The following KCNN2 variants were observed in gnomAD, a reference collection of about 807,000 sequenced individuals.
KCNN2 encodes the protein small conductance calcium-activated potassium channel protein 2.
KCNN2 carries 24 observed loss-of-function variants against 55.5 expected under a neutral mutation model. The ratio of observed to expected loss-of-function variants is 0.43; its 90% CI spans 0.31 to 0.61. The LOEUF (loss-of-function observed/expected upper bound fraction) is 0.61, where lower values mean the gene tolerates loss of function less well. Ranked by LOEUF, KCNN2 falls within the 20% of genes least tolerant of loss-of-function variation. KCNN2 has a pLI of 0.08. For synonymous variants in KCNN2, 431 were observed against 336.1 expected (o/e 1.28, Z -3.09); for missense variants, 754 against 853.6 (o/e 0.88, Z 1.45).
At chr5:114,297,011 A>G (rs1756023830) in intron 2 of KCNN2, among the ~76,000 whole-genome samples, 1 of 152,152 alleles carries the variant, frequency 6.6e-6, no homozygotes, top group South Asian at 2.1e-4. Flanking sequence ...TATTGTATTG[A>G]TGAAAGAATT....
intron 2 of KCNN2, among the ~76,000 whole-genome samples, chr5:114,346,416 G>T (rs1194925238): frequency 2.0e-5 from 3 of 152,098 alleles, no homozygotes; most frequent in African/African-American, 4.8e-5. Context: ...GAGTAAATTT[G>T]TTTTCTGTCT....
chr5:114,110,498 G>T (rs79852719), intron 1 of KCNN2, among the ~76,000 whole-genome samples: 7,002 of 152,052 alleles, frequency 0.046, 537 homozygotes, highest in African/African-American at 0.16. Context: ...AGGGGAGAGA[G>T]ACCCTAGAAT....
At chr5:114,060,321 G>T (rs999660482) in intron 1 of KCNN2, among the ~76,000 whole-genome samples, 1 of 152,204 alleles carries the variant, frequency 6.6e-6, no homozygotes, top group Non-Finnish European at 1.5e-5. Context: ...CCACCCTCTC[G>T]TTGCAGTTCA....
rs528661373 is a variant in KCNN2, at chr5:114,244,577, A to G, written c.-185+23012A>G. On this transcript the variant is annotated intron_variant, in intron 2 of 10. Transcript: ENST00000512097. The stretch of plus-strand genomic sequence containing the variant: ...GCGCCATTGCACTCCAGCCTGGGCA[A>G]TAAGAGCAAAACTCTGGGGCGGGCA... Among the ~76,000 whole-genome samples, 32 of 151,136 alleles carry G rather than the reference A, an allele frequency of 2.1e-4. No individual in the cohort carries two copies. In the South Asian group the frequency reaches 4.9e-3, roughly 23 times the overall value.
chr5:114,363,477 T>C (rs1757508604), intron 1 of KCNN2, among the ~76,000 whole-genome samples: 1 of 152,206 alleles, frequency 6.6e-6, no homozygotes, highest in African/African-American at 2.4e-5. Flanking sequence ...CTCGAGGCAG[T>C]TAAGAGTGCT....
chr5:114,373,282 G>T (rs1580761094), intron 2 of KCNN2, among the ~76,000 whole-genome samples: 1 of 151,978 alleles, frequency 6.6e-6, no homozygotes, highest in Middle Eastern at 3.4e-3. Context: ...GGCTAAAAAG[G>T]CTTCTAAAAG....
At chr5:114,300,217 C>G (rs932266797) in intron 2 of KCNN2, among the ~76,000 whole-genome samples, 3 of 152,138 alleles carry the variant, frequency 2.0e-5, no homozygotes, top group Non-Finnish European at 4.4e-5. Flanking sequence ...ATTCTCACCT[C>G]TTTCATAAAA....
In KCNN2 at chr5:114,272,066, A is replaced by G. The variant is rs567546380; in HGVS notation, c.-185+50501A>G. The stretch of plus-strand genomic sequence containing the variant: ...ATAAAAATAATTTTCTTTTTTTCTG[A>G]TCATAAGTTTTATAATGCTTATGAT... On this transcript the variant is annotated intron_variant, in intron 2 of 10. Transcript: ENST00000512097. Among the ~76,000 whole-genome samples the G allele has an allele frequency of 2.0e-5, 3 of 152,174 alleles. No individual in the cohort carries two copies. The South Asian group carries it at 6.2e-4, about 32-fold the overall frequency.
chr5:114,168,940 T>G (rs772187530), intron 1 of KCNN2, among the ~76,000 whole-genome samples: 1 of 152,100 alleles, frequency 6.6e-6, no homozygotes, highest in African/African-American at 2.4e-5. Context: ...AGGTAGGGCC[T>G]GGTGGGAGGT....
chr5:114,084,845 G>C (rs1750979514), intron 1 of KCNN2, among the ~76,000 whole-genome samples: 1 of 151,800 alleles, frequency 6.6e-6, no homozygotes, highest in African/African-American at 2.4e-5. Flanking sequence ...TTTTATGAAA[G>C]GTACAAAACC....
rs79699052 is a variant in KCNN2, at chr5:114,315,026, G to C, written c.-184-45919G>C. On this transcript the variant is annotated intron_variant, in intron 2 of 10. Transcript: ENST00000512097. ...ATCCACAGCTGAGCTTGATTCATAG[G>C]CTACTAAATCAACAGGATCTGATGG... Among the ~76,000 whole-genome samples the C allele has an allele frequency of 8.2e-4, 125 of 152,202 alleles. 1 individual carries two copies. Among genetic ancestry groups the C allele is most frequent in the Non-Finnish European group, 1.5e-3 (101 of 68,004 alleles).
chr5:114,057,568 A>G (rs1750238412), intron 1 of KCNN2, among the ~76,000 whole-genome samples: 1 of 152,234 alleles, frequency 6.6e-6, no homozygotes, highest in African/African-American at 2.4e-5. Context: ...GGCAACCAAG[A>G]TCCTTGGAGC....
At chr5:114,133,871 T>C (rs1188506157) in intron 1 of KCNN2, among the ~76,000 whole-genome samples, 4 of 152,252 alleles carry the variant, frequency 2.6e-5, no homozygotes, top group South Asian at 2.1e-4. Context: ...GCACAGATTC[T>C]GATTTCTGTA....
intron 2 of KCNN2, among the ~76,000 whole-genome samples, chr5:114,388,623 C>G (rs1215287647): frequency 1.3e-5 from 2 of 152,016 alleles, no homozygotes; most frequent in Non-Finnish European, 2.9e-5. Context: ...CTCCTTCTTT[C>G]TGGTTTATGT....
chr5:114,418,070 T>C (rs553088782), intron 3 of KCNN2, among the ~76,000 whole-genome samples: 1 of 152,270 alleles, frequency 6.6e-6, no homozygotes, highest in Admixed American at 6.5e-5. Context: ...ACTTAATGAG[T>C]GACTTAAAGT....
chr5:114,324,696 T>C (rs1311507963), intron 2 of KCNN2, among the ~76,000 whole-genome samples: 1 of 152,234 alleles, frequency 6.6e-6, no homozygotes, highest in East Asian at 1.9e-4. Context: ...TAGACAGGAA[T>C]CCAGATTTTG....
At chr5:114,252,990 A>G (rs77856154) in intron 2 of KCNN2, among the ~76,000 whole-genome samples, 1,659 of 152,260 alleles carry the variant, frequency 0.011, 28 homozygotes, top group African/African-American at 0.039. Context: ...TGACTTGGTA[A>G]AACTGCTTTC....
intron 1 of KCNN2, among the ~76,000 whole-genome samples, chr5:114,129,880 C>T (rs934237600): frequency 5.9e-5 from 9 of 152,210 alleles, no homozygotes; most frequent in African/African-American, 2.2e-4. Flanking sequence ...AGAATCCCTT[C>T]TTCTGTGGAG....
chr5:114,441,198 AAC>A (rs547275452), intron 3 of KCNN2, among the ~76,000 whole-genome samples: 170 of 152,320 alleles, frequency 1.1e-3, no homozygotes, highest in South Asian at 2.9e-3. Flanking sequence ...TATAAAATAA[AAC>A]AGTGAGCAAA....
Sources: gnomAD v4.1 joint callset for allele counts (sites outside exome capture counted in the v4.1 genomes callset) on GRCh38, gnomAD v4.1.1 for gene constraint, MANE v1.5 for transcripts, NCBI Gene and HGNC (gene_info 2026-07-23, HGNC 2026-07-21) for gene names.